IGSF21: variants seen among roughly 807,000 people sequenced by gnomAD.
The protein encoded by IGSF21 is immunoglobin superfamily member 21.
Under a neutral mutation model 46.8 loss-of-function variants are expected in IGSF21, and 28 were observed. That is an observed-to-expected ratio of 0.60 (90% CI 0.44 to 0.82). The LOEUF (loss-of-function observed/expected upper bound fraction) is 0.82, where lower values mean the gene tolerates loss of function less well. Among genes scored for constraint, IGSF21 ranks in the 40% least tolerant of loss-of-function variants. IGSF21 has a pLI of 0.00. For missense variants in IGSF21, 624 were observed against 665.5 expected, an observed-to-expected ratio of 0.94 and a Z score of 0.69; for synonymous variants, 284 against 273.6, an observed-to-expected ratio of 1.04 and a Z score of -0.38.
intron 2 of IGSF21, among the ~76,000 whole-genome samples, chr1:18,236,288 A>G (rs1359572146): frequency 6.6e-6 from 1 of 152,180 alleles, no homozygotes; most frequent in Non-Finnish European, 1.5e-5. Context: ...CCCCTGCACA[A>G]GATCCTCTTG....
intron 2 of IGSF21, among the ~76,000 whole-genome samples, chr1:18,291,336 C>T (rs1220333981): frequency 2.6e-5 from 4 of 152,216 alleles, no homozygotes; most frequent in Admixed American, 1.3e-4. Flanking sequence ...CTGCATCGCC[C>T]GTGCCGGGAT....
chr1:18,278,889 T>C (rs573621023), intron 2 of IGSF21: 30 of 471,704 alleles, frequency 6.4e-5, no homozygotes, highest in South Asian at 4.2e-4. Flanking sequence ...AGCCAGGTAA[T>C]GGGTATATGG....
chr1:18,283,322 G>A (rs1187874620), intron 2 of IGSF21, among the ~76,000 whole-genome samples: 1 of 152,228 alleles, frequency 6.6e-6, no homozygotes, highest in Non-Finnish European at 1.5e-5. Flanking sequence ...GGGAGAGCAG[G>A]GACTGCCCAG....
chr1:18,202,891 C>A (rs1570331900), intron 1 of IGSF21, among the ~76,000 whole-genome samples: 1 of 152,228 alleles, frequency 6.6e-6, no homozygotes, highest in East Asian at 1.9e-4. Context: ...ACAGACTATG[C>A]ATCCCCTAAA....
At position 18,339,830 on chromosome 1, in the gene IGSF21, CAG is replaced by C. The variant is rs1466666763; in HGVS notation, c.424+4822_424+4823del. ...AACATGTAGGAGTCTGGAAGGAACA[CAG>C]AATGTCTGTGCCCTTGCCTCCCTTC... On this transcript the variant is annotated intron_variant, in intron 4 of 9. Coordinates refer to ENST00000251296, the MANE Select transcript of IGSF21 (RefSeq NM_032880.5). Among the ~76,000 whole-genome samples the C allele has an allele frequency of 3.9e-5, 6 of 152,284 alleles. No individual in the cohort carries two copies. In the East Asian group the frequency reaches 1.2e-3, roughly 29 times the overall value.
chr1:18,110,369 T>A (rs1432639067), intron 1 of IGSF21: 2 of 152,516 alleles, frequency 1.3e-5, no homozygotes, highest in Middle Eastern at 3.4e-3. Context: ...GAAGAGTCCG[T>A]GAGAGACGCA....
chr1:18,282,079 C>G (rs890654134), intron 2 of IGSF21, among the ~76,000 whole-genome samples: 7 of 152,148 alleles, frequency 4.6e-5, no homozygotes, highest in Non-Finnish European at 8.8e-5. Context: ...GGCGCTCCTG[C>G]TCTGAATGAC....
intron 2 of IGSF21, among the ~76,000 whole-genome samples, chr1:18,255,450 G>A (rs1477628290): frequency 6.6e-6 from 1 of 152,098 alleles, no homozygotes; most frequent in Non-Finnish European, 1.5e-5. Context: ...ACACACAGAT[G>A]ACAAAATAAA....
intron 2 of IGSF21, among the ~76,000 whole-genome samples, chr1:18,262,646 A>G (rs1203832073): frequency 6.6e-6 from 1 of 152,200 alleles, no homozygotes; most frequent in Non-Finnish European, 1.5e-5. Context: ...GTTCCTGGAG[A>G]GAGCTGGAGG....
chr1:18,203,425 C>T (rs756357740), intron 1 of IGSF21, among the ~76,000 whole-genome samples: 1 of 152,218 alleles, frequency 6.6e-6, no homozygotes, highest in Non-Finnish European at 1.5e-5. Context: ...TCTTGTGCCT[C>T]AGCCTCCTCA....
intron 2 of IGSF21, among the ~76,000 whole-genome samples, chr1:18,275,061 C>A (rs1035987482): frequency 6.6e-6 from 1 of 151,806 alleles, no homozygotes; most frequent in Non-Finnish European, 1.5e-5. Flanking sequence ...AAGTGGCTAC[C>A]TAAATTGTGT....
At chr1:18,163,256 G>A (rs2086644804) in intron 1 of IGSF21, among the ~76,000 whole-genome samples, 1 of 152,254 alleles carries the variant, frequency 6.6e-6, no homozygotes, top group Middle Eastern at 3.4e-3. Context: ...AAAAGGCAAT[G>A]TGGCAGGCCG....
chr1:18,364,130 A>G (rs2086133817), intron 5 of IGSF21, among the ~76,000 whole-genome samples: 1 of 152,150 alleles, frequency 6.6e-6, no homozygotes, highest in Non-Finnish European at 1.5e-5. Flanking sequence ...CGACACGGCA[A>G]TAAAATATTC....
In IGSF21 at chr1:18,133,538, G is replaced by A. The variant is rs1446161613; in HGVS notation, c.70+25340G>A. On this transcript the variant is annotated intron_variant, in intron 1 of 9. Coordinates refer to ENST00000251296, the MANE Select transcript of IGSF21 (RefSeq NM_032880.5). ...ATCTGAGCAAATGTGCTTTGTAAAT[G>A]GACAGGTGCTCCATGCTGCCGCTTT... Among the ~76,000 whole-genome samples the A allele has an allele frequency of 2.6e-5, 4 of 152,342 alleles. No homozygotes were observed. In the South Asian group the frequency reaches 6.2e-4, roughly 24 times the overall value.
At chr1:18,241,155 T>G (rs2084723641) in intron 2 of IGSF21, among the ~76,000 whole-genome samples, 2 of 152,040 alleles carry the variant, frequency 1.3e-5, no homozygotes, top group African/African-American at 4.8e-5. Flanking sequence ...TGAACGAATT[T>G]TATAGGGTTC....
intron 1 of IGSF21, among the ~76,000 whole-genome samples, chr1:18,119,136 C>T: frequency 6.6e-6 from 1 of 152,170 alleles, no homozygotes; most frequent in East Asian, 1.9e-4. Context: ...TCCCTTCCTC[C>T]CTTCTTCCCT....
chr1:18,138,327 C>T (rs76204801), intron 1 of IGSF21, among the ~76,000 whole-genome samples: 16,358 of 152,216 alleles, frequency 0.11, 1,146 homozygotes, highest in Non-Finnish European at 0.15. Context: ...TCCATCCTTA[C>T]GATGGCCTGA....
At chr1:18,319,515 A>G (rs531075463) in intron 3 of IGSF21, among the ~76,000 whole-genome samples, 2 of 152,368 alleles carry the variant, frequency 1.3e-5, no homozygotes, top group African/African-American at 2.4e-5. Flanking sequence ...AAGCCCGTGA[A>G]GATGAAACTT....
chr1:18,208,623 T>A (rs2084359162), intron 1 of IGSF21, among the ~76,000 whole-genome samples: 1 of 146,502 alleles, frequency 6.8e-6, no homozygotes, highest in Non-Finnish European at 1.5e-5. Context: ...GGTCTTGATC[T>A]CCTGACCTCG....
Sources: allele counts gnomAD v4.1 joint callset (sites outside exome capture counted in the v4.1 genomes callset), GRCh38; gene constraint gnomAD v4.1.1; transcripts MANE v1.5; gene names NCBI Gene and HGNC (gene_info 2026-07-23, HGNC 2026-07-21).